Variants in AGTPBP1 observed in about 807,000 individuals in gnomAD.
The protein encoded by AGTPBP1 is cytosolic carboxypeptidase 1.
Under a neutral mutation model 143.9 loss-of-function variants are expected in AGTPBP1, and 70 were observed. The observed-to-expected ratio is 0.49, with a 90% CI of 0.40 to 0.59. AGTPBP1 has a LOEUF of 0.59. AGTPBP1 is among the 20% of genes least tolerant of loss of function. The pLI, the probability that AGTPBP1 is intolerant of heterozygous loss-of-function variation, is 0.00. For synonymous variants in AGTPBP1, 463 were observed against 500.2 expected (o/e 0.93, Z 0.99); for missense variants, 1,229 against 1,464.5 (o/e 0.84, Z 2.62).
rs186761940 is a variant in AGTPBP1, at chr9:85,639,282, G to A, written c.1302+3545C>T. On this transcript the variant is annotated intron_variant, in intron 13 of 25. Coordinates refer to ENST00000357081, the MANE Select transcript of AGTPBP1 (RefSeq NM_001330701.2). ...TAAACATCAAAATTACTGCTTATACGATGCAGCAAAAACAGTAATTATAGG... is the reference window on the plus strand; with the variant it reads ...TAAACATCAAAATTACTGCTTATACAATGCAGCAAAAACAGTAATTATAGG... Among the ~76,000 whole-genome samples, 13 of 151,838 alleles carry A rather than the reference G, an allele frequency of 8.6e-5. No individual in the cohort carries two copies. The East Asian group carries it at 2.5e-3, about 29-fold the overall frequency.
chr9:85,732,785 G>T (rs536101887), intron 1 of AGTPBP1, among the ~76,000 whole-genome samples: 1 of 152,162 alleles, frequency 6.6e-6, no homozygotes, highest in East Asian at 1.9e-4. Flanking sequence ...AAGAATGGAA[G>T]AAGATATTCC....
intron 23 of AGTPBP1, among the ~76,000 whole-genome samples, chr9:85,584,997 C>T (rs1828516178): frequency 6.6e-6 from 1 of 151,736 alleles, no homozygotes; most frequent in Admixed American, 6.6e-5. Flanking sequence ...TTCACAAGTA[C>T]AGAGAAAAAA....
At chr9:85,669,457 T>A (rs779755284) in intron 8 of AGTPBP1, 28 bp downstream of exon 8, 2 of 1,448,198 alleles carry the variant, frequency 1.4e-6, no homozygotes, top group South Asian at 2.3e-5. Flanking sequence ...AGGCTATACC[T>A]ATGTTTACAT....
chr9:85,623,386 C>T (rs1366873426), intron 14 of AGTPBP1, among the ~76,000 whole-genome samples: 1 of 152,018 alleles, frequency 6.6e-6, no homozygotes, highest in African/African-American at 2.4e-5. Context: ...TTCTGGGGGA[C>T]ATAATTGCCC....
chr9:85,753,368 A>G, the AGTPBP1 span: 17 of 1,613,878 alleles, frequency 1.1e-5, no homozygotes, highest in Non-Finnish European at 1.4e-5. Context: ...ACCTTGATGC[A>G]TGTAACTTGA....
chr9:85,680,840 A>G (rs1301608040), intron 4 of AGTPBP1, among the ~76,000 whole-genome samples: 1 of 152,256 alleles, frequency 6.6e-6, no homozygotes, highest in Non-Finnish European at 1.5e-5. Flanking sequence ...AATATAATAT[A>G]GTTAACCAAT....
chr9:85,759,387 C>G, the AGTPBP1 span, among the ~76,000 whole-genome samples: 3 of 152,114 alleles, frequency 2.0e-5, no homozygotes, highest in Non-Finnish European at 4.4e-5. Context: ...CACTCCTCAG[C>G]AAATGTAAAA....
chr9:85,609,817 A>G (rs1408942010), intron 17 of AGTPBP1, among the ~76,000 whole-genome samples: 1 of 151,664 alleles, frequency 6.6e-6, no homozygotes. Flanking sequence ...GCAACAAATT[A>G]TAACTCATTG....
intron 24 of AGTPBP1, among the ~76,000 whole-genome samples, chr9:85,576,890 GTAAGAGTTT>G (rs1304118672): frequency 6.6e-6 from 1 of 152,004 alleles, no homozygotes; most frequent in African/African-American, 2.4e-5. Flanking sequence ...ACTTCTCTCA[GTAAGAGTTT>G]TAAATCAATG....
chr9:85,774,668 G>T, the AGTPBP1 span, among the ~76,000 whole-genome samples: 2 of 152,146 alleles, frequency 1.3e-5, no homozygotes, highest in Non-Finnish European at 2.9e-5. Flanking sequence ...ATCATTGTTA[G>T]GTGATACTGT....
chr9:85,685,223 T>C (rs1463459209), intron 3 of AGTPBP1, among the ~76,000 whole-genome samples: 5 of 151,846 alleles, frequency 3.3e-5, no homozygotes, highest in African/African-American at 4.8e-5. Context: ...ACCAAAAATG[T>C]CCCAAATTTG....
chr9:85,679,397 T>G (rs1413297776), intron 4 of AGTPBP1, among the ~76,000 whole-genome samples: 1 of 152,100 alleles, frequency 6.6e-6, no homozygotes, highest in Non-Finnish European at 1.5e-5. Flanking sequence ...CCTTCCTAAA[T>G]GAAGAAGTTC....
chr9:85,742,589 T>C (rs963732866), upstream of AGTPBP1, among the ~76,000 whole-genome samples: 2 of 152,194 alleles, frequency 1.3e-5, no homozygotes, highest in Non-Finnish European at 2.9e-5. Flanking sequence ...AGATGCCTAG[T>C]GCTGCAGCGA....
chr9:85,793,613 A>G, the AGTPBP1 span: 2 of 152,198 alleles, frequency 1.3e-5, no homozygotes, highest in Admixed American at 1.3e-4. Flanking sequence ...TTGTGAACAA[A>G]TAAATCAGAA....
At chr9:85,634,047 C>G (rs1007197259) in intron 13 of AGTPBP1, among the ~76,000 whole-genome samples, 4 of 151,704 alleles carry the variant, frequency 2.6e-5, no homozygotes, top group Non-Finnish European at 4.4e-5. Flanking sequence ...CAAAAATTAG[C>G]TGGGCATGGT....
chr9:85,586,992 C>G, intron 21 of AGTPBP1, 32 bp from the exon 22 acceptor site: 1 of 1,612,384 alleles, frequency 6.2e-7, no homozygotes, highest in Non-Finnish European at 8.5e-7. Flanking sequence ...GACAGAAAAA[C>G]ACTGGTACCC....
intron 1 of AGTPBP1, among the ~76,000 whole-genome samples, chr9:85,740,034 C>T (rs1401994335): frequency 2.0e-5 from 3 of 151,046 alleles, no homozygotes; most frequent in Non-Finnish European, 3.0e-5. Context: ...ATACAAATTA[C>T]AAAATTTCAT....
chr9:85,717,727 C>G (rs946067765), intron 1 of AGTPBP1, among the ~76,000 whole-genome samples: 1 of 150,016 alleles, frequency 6.7e-6, no homozygotes, highest in African/African-American at 2.5e-5. Flanking sequence ...ATGTGCACAA[C>G]GTGCAGGTTT....
At chr9:85,660,815 T>C in intron 9 of AGTPBP1, 121 bp downstream of exon 9, 1 of 732,154 alleles carries the variant, frequency 1.4e-6, no homozygotes, top group Non-Finnish European at 2.1e-6. Context: ...AATTTTGACA[T>C]TAGAATATTA....
Sources: gnomAD v4.1 joint callset for allele counts (sites outside exome capture counted in the v4.1 genomes callset) on GRCh38, gnomAD v4.1.1 for gene constraint, MANE v1.5 for transcripts, NCBI Gene and HGNC (gene_info 2026-07-23, HGNC 2026-07-21) for gene names.